The following PMM2 variants were observed in gnomAD, a reference collection of about 807,000 sequenced individuals.
PMM2 encodes mannose-6-phosphate isomerase.
Under a neutral mutation model 33.2 loss-of-function variants are expected in PMM2, and 35 were observed. That is an observed-to-expected ratio of 1.06 (90% confidence interval 0.81 to 1.40). The LOEUF (loss-of-function observed/expected upper bound fraction) is 1.40, where lower values mean the gene tolerates loss of function less well. Ranked by LOEUF, PMM2 falls within the 40% of genes most tolerant of loss-of-function variation. The pLI, the probability that PMM2 is intolerant of heterozygous loss-of-function variation, is 0.00. For missense variants in PMM2, 386 were observed against 306.0 expected (o/e 1.26, Z -1.95); for synonymous variants, 153 against 114.7 (o/e 1.33, Z -2.13).
At chr16:8,833,391 G>T (rs1185635422) in intron 7 of PMM2, among the ~76,000 whole-genome samples, 5 of 152,192 alleles carry the variant, frequency 3.3e-5, no homozygotes, top group East Asian at 3.8e-4. Context: ...CGGATCTTCA[G>T]TTACTTCAGG....
chr16:8,810,965 T>C (rs1315964411), intron 4 of PMM2, 114 bp from the exon 5 acceptor site: 3 of 721,078 alleles, frequency 4.2e-6, no homozygotes, highest in South Asian at 1.5e-5. Context: ...CTGAGAAACA[T>C]TGACCACACT....
At chr16:8,836,387 T>C (rs1195059485) in intron 7 of PMM2, among the ~76,000 whole-genome samples, 2 of 151,996 alleles carry the variant, frequency 1.3e-5, no homozygotes, top group African/African-American at 4.8e-5. Flanking sequence ...CTGATTTTCA[T>C]GGGGTCCCGC....
rs149849259 is a variant in PMM2, at chr16:8,806,399, G to A, written c.339G>A (p.Pro113=). ...CLSYIAKIKL[P]KKRGTFIEFR... is the part of the protein sequence containing the mutation. Reference sequence around the variant, plus strand: ...GCTACATTGCGAAAATTAAACTCCCGAAGAAGAGGTGGGTTTGCTTTTAAC... The same window carrying A: ...GCTACATTGCGAAAATTAAACTCCCAAAGAAGAGGTGGGTTTGCTTTTAAC... Residue 113 remains proline (P), a synonymous_variant, in exon 4 of 8, where the codon CCG becomes CCA. Coordinates refer to ENST00000268261, the MANE Select transcript of PMM2 (RefSeq NM_000303.3). The A allele has an allele frequency of 1.4e-5, 23 of 1,609,254 alleles. No homozygotes were observed. The highest frequency in any genetic ancestry group is 1.1e-4 in the African/African-American group (8 of 74,842).
Position 8,797,898 on chromosome 16 carries a change from C to T in PMM2, c.16C>T (p.Pro6Ser), listed in dbSNP as rs568038280. 2 of 1,611,584 alleles carry T rather than the reference C, an allele frequency of 1.2e-6. No individual in the cohort carries two copies. Among genetic ancestry groups the T allele is most frequent in the South Asian group, 1.1e-5 (1 of 90,608 alleles). ...AACTGGGGACATGGCAGCGCCTGGC[C>T]CAGCGCTCTGCCTCTTCGACGTGGA... Reference protein sequence around the residue: MAAPGPALCLFDVDGT... With the variant: MAAPGSALCLFDVDGT... The change falls in exon 1 of 8, where the codon CCA (proline) becomes TCA (serine). Residue 6 changes from proline to serine, a missense_variant. Physicochemically the swap from Pro to Ser is moderately conservative, Grantham distance 74. Coordinates refer to ENST00000268261, the MANE Select transcript of PMM2 (RefSeq NM_000303.3).
chr16:8,801,997 C>T, intron 2 of PMM2, 87 bp downstream of exon 2: 1 of 944,992 alleles, frequency 1.1e-6, no homozygotes, highest in African/African-American at 1.6e-5. Flanking sequence ...TGCCCTAAAA[C>T]CTTGTCCCCA....
At chr16:8,824,460 A>G (rs2060755037) in intron 7 of PMM2, among the ~76,000 whole-genome samples, 1 of 152,274 alleles carries the variant, frequency 6.6e-6, no homozygotes, top group Non-Finnish European at 1.5e-5. Context: ...CAGAACAGTT[A>G]TAATTATTAC....
Position 8,813,121 on chromosome 16 carries a change from G to A in PMM2, c.639+15G>A. On this transcript the variant is annotated intron_variant, in intron 7 of 7. Coordinates refer to ENST00000268261, the MANE Select transcript of PMM2 (RefSeq NM_000303.3). ...AAACTATGCCAGTAAGTAGAGAAGT[G>A]TTTGTGCACCTTCATTGTTGCATTT... The A allele has an allele frequency of 6.9e-7, 1 of 1,454,124 alleles. No individual in the cohort carries two copies. The highest frequency in any genetic ancestry group is 9.7e-7 in the Non-Finnish European group (1 of 1,033,918). 90.1% of individuals were successfully genotyped at this position (1,454,124 alleles called of 1,614,324 possible).
intron 2 of PMM2, among the ~76,000 whole-genome samples, chr16:8,803,084 G>A (rs2060625386): frequency 6.6e-6 from 1 of 152,092 alleles, no homozygotes; most frequent in Non-Finnish European, 1.5e-5. Flanking sequence ...ATACGGCTAT[G>A]ACTACCAGAA....
chr16:8,843,857 C>A (rs995345649), intron 7 of PMM2, among the ~76,000 whole-genome samples: 2 of 148,352 alleles, frequency 1.3e-5, no homozygotes, highest in South Asian at 4.4e-4. Context: ...GAACCTAGCT[C>A]GGCCTGGCGA....
At chr16:8,827,882 AATATATGATAT>A in intron 7 of PMM2, among the ~76,000 whole-genome samples, 1 of 105,830 alleles carries the variant, frequency 9.4e-6, no homozygotes, top group Non-Finnish European at 1.9e-5. Flanking sequence ...TATGTTATAT[AATATATGATAT>A]ATATGATATA....
At chr16:8,845,929 C>G (rs887259067) in intron 7 of PMM2, among the ~76,000 whole-genome samples, 1 of 152,170 alleles carries the variant, frequency 6.6e-6, no homozygotes, top group South Asian at 2.1e-4. Flanking sequence ...ATAGCAAGAC[C>G]CTATGTCCGA....
chr16:8,812,418 G>A (rs1331272287), intron 6 of PMM2, among the ~76,000 whole-genome samples: 2 of 152,208 alleles, frequency 1.3e-5, no homozygotes, highest in African/African-American at 4.8e-5. Context: ...TCAAGGTAGA[G>A]GTTGTAGGAA....
chr16:8,835,103 G>A (rs1183745032), intron 7 of PMM2, among the ~76,000 whole-genome samples: 1 of 148,430 alleles, frequency 6.7e-6, no homozygotes, highest in Non-Finnish European at 1.5e-5. Flanking sequence ...TATTAAAGCA[G>A]CGGCAGCCGC....
At chr16:8,839,817 A>G (rs1343350898) in intron 7 of PMM2, among the ~76,000 whole-genome samples, 9 of 151,430 alleles carry the variant, frequency 5.9e-5, no homozygotes, top group Non-Finnish European at 8.8e-5. Context: ...AGAGATACAT[A>G]TAGGAGCGGC....
Position 8,848,069 on chromosome 16 carries a change from C to T in PMM2, c.*244C>T. The T allele has an allele frequency of 1.9e-6, 1 of 532,678 alleles. No individual in the cohort carries two copies. Among genetic ancestry groups the T allele is most frequent in the Non-Finnish European group, 3.4e-6 (1 of 293,138 alleles). 33.0% of individuals were successfully genotyped at this position (532,678 alleles called of 1,614,324 possible). A position where few individuals can be genotyped will look rare whatever the true frequency, so the allele number is the denominator to read the frequency against. On this transcript the variant is annotated 3_prime_UTR_variant, in exon 8 of 8. Coordinates refer to ENST00000268261, the MANE Select transcript of PMM2 (RefSeq NM_000303.3). ...GCACAAAAGGTCTTCCCCACCCACC[C>T]CCAGCCCCCTAGTCTAATACCCACC...
At chr16:8,846,647 C>T (rs953818550) in intron 7 of PMM2, among the ~76,000 whole-genome samples, 2 of 152,110 alleles carry the variant, frequency 1.3e-5, no homozygotes, top group African/African-American at 4.8e-5. Flanking sequence ...CTTTCTGAGG[C>T]CTCGGTTTCG....
intron 7 of PMM2, among the ~76,000 whole-genome samples, chr16:8,841,553 C>T (rs2060891162): frequency 7.1e-6 from 1 of 141,620 alleles, no homozygotes; most frequent in African/African-American, 2.6e-5. Flanking sequence ...AAGTTATTTC[C>T]TTGAGGATAG....
At chr16:8,824,349 C>G (rs1213363491) in intron 7 of PMM2, among the ~76,000 whole-genome samples, 1 of 152,056 alleles carries the variant, frequency 6.6e-6, no homozygotes, top group Non-Finnish European at 1.5e-5. Context: ...AGGATAAAAC[C>G]AAGACAGCAA....
chr16:8,804,835 T>C lies in PMM2; in HGVS notation c.247T>C (p.Cys83Arg), dbSNP rs1019479784. The C allele has an allele frequency of 1.2e-6, 2 of 1,602,506 alleles. No individual in the cohort carries two copies. Among genetic ancestry groups the C allele is most frequent in the Non-Finnish European group, 1.7e-6 (2 of 1,169,418 alleles). Residue 83 changes from cysteine to arginine, a missense_variant, in exon 3 of 8, where the codon TGT (cysteine) becomes CGT (arginine). Coordinates refer to ENST00000268261, the MANE Select transcript of PMM2 (RefSeq NM_000303.3). ...AGCATACAAAGATGGGAAACTCTTG[T>C]GTAGACAGGTAGGTTCTTGAGTATC... ...LVAYKDGKLL[C>R]RQNIQSHLGE...
Sources: gnomAD v4.1 joint callset for allele counts (sites outside exome capture counted in the v4.1 genomes callset) on GRCh38, gnomAD v4.1.1 for gene constraint, MANE v1.5 for transcripts, NCBI Gene and HGNC (gene_info 2026-07-23, HGNC 2026-07-21) for gene names.